The following CDKAL1 variants were observed in gnomAD, a reference collection of about 807,000 sequenced individuals.
CDKAL1 encodes the protein threonylcarbamoyladenosine tRNA methylthiotransferase.
Under a neutral mutation model 68.2 loss-of-function variants are expected in CDKAL1, and 32 were observed. The ratio of observed to expected loss-of-function variants is 0.47; its 90% CI spans 0.35 to 0.63. CDKAL1 has a LOEUF of 0.63. Among genes scored for constraint, CDKAL1 ranks in the 30% least tolerant of loss-of-function variants. CDKAL1 has a pLI of 0.00. For missense variants in CDKAL1, 606 were observed against 696.7 expected, an observed-to-expected ratio of 0.87 and a Z score of 1.47; for synonymous variants, 234 against 244.3, an observed-to-expected ratio of 0.96 and a Z score of 0.39.
chr6:21,202,617 C>T (rs1004069572), intron 15 of CDKAL1, among the ~76,000 whole-genome samples: 2 of 152,182 alleles, frequency 1.3e-5, no homozygotes, highest in African/African-American at 4.8e-5. Context: ...AAGGGTTTCT[C>T]AGCAAGTAGC....
intron 5 of CDKAL1, among the ~76,000 whole-genome samples, chr6:20,719,001 T>A (rs9368224): frequency 0.3 from 45,380 of 152,014 alleles, 8,575 homozygotes; most frequent in African/African-American, 0.52. Flanking sequence ...TTCATGTAAC[T>A]TGTGAGAAAA....
rs182042119 is a variant in CDKAL1 at position 20,594,464 on chromosome 6, G to A, written c.286+45759G>A. 3.6e-3 allele frequency among the ~76,000 whole-genome samples: 550 copies of A among 152,000 alleles called. 6 individuals carry two copies. The highest frequency in any genetic ancestry group is 0.013 in the African/African-American group (529 of 41,436). ...TCTCTGTGTCTTTTGATCTTTGTTG[G>A]TTTAAAGTCTGGTTCATCAGAGACT... On this transcript the variant is annotated intron_variant, in intron 4 of 15. Transcript: ENST00000274695.
chr6:20,859,244 C>T (rs1581712620), intron 9 of CDKAL1, among the ~76,000 whole-genome samples: 2 of 151,496 alleles, frequency 1.3e-5, no homozygotes, highest in South Asian at 4.2e-4. Flanking sequence ...GTTCGCTGCA[C>T]TCCAGCCTGG....
rs1446718147 is a variant in CDKAL1 at position 20,625,081 on chromosome 6, T to TAAA, written c.287-24210_287-24208dup. Among the ~76,000 whole-genome samples the TAAA allele has an allele frequency of 2.6e-5, 4 of 152,232 alleles. No homozygotes were observed. In the South Asian group the frequency reaches 6.2e-4, roughly 24 times the overall value. ...TGTCTTTGCTCTGGTTGCAGTAAGA[T>TAAA]AAAACTCTGAAGAATTCTGGGTTAA... On this transcript the variant is annotated intron_variant, in intron 4 of 15. Coordinates refer to ENST00000274695, the MANE Select transcript of CDKAL1 (RefSeq NM_017774.3).
rs1763301669 is a variant in CDKAL1 at position 20,539,404 on chromosome 6, T to G, written c.-6+4010T>G. On this transcript the variant is annotated intron_variant, in intron 2 of 15. Transcript: ENST00000274695. This position sits in a 1 kb window ranked among gnomAD's most constrained non-coding sequence, Gnocchi z 4.3. ...GTATGTATTCTAGTAAGATAAACAGTTAAAAAATTATTAAAACATTTTAAG... is the reference window on the plus strand; with the variant it reads ...GTATGTATTCTAGTAAGATAAACAGGTAAAAAATTATTAAAACATTTTAAG... Among the ~76,000 whole-genome samples, 1 of 152,140 alleles carries G rather than the reference T, an allele frequency of 6.6e-6. No individual in the cohort carries two copies. Among genetic ancestry groups the G allele is most frequent in the African/African-American group, 2.4e-5 (1 of 41,422 alleles).
At chr6:20,852,931 C>T (rs1345818838) in intron 9 of CDKAL1, among the ~76,000 whole-genome samples, 2 of 152,136 alleles carry the variant, frequency 1.3e-5, no homozygotes, top group Non-Finnish European at 2.9e-5. Flanking sequence ...ACACTGCAAT[C>T]CAGGAGTGGT....
intron 5 of CDKAL1, among the ~76,000 whole-genome samples, chr6:20,721,309 G>A (rs1271136446): frequency 3.3e-5 from 5 of 152,124 alleles, no homozygotes; most frequent in South Asian, 2.1e-4. Context: ...TTTTATGGCT[G>A]CATAGTATTC....
At chr6:20,978,739 G>A (rs1765965437) in intron 10 of CDKAL1, among the ~76,000 whole-genome samples, 1 of 152,122 alleles carries the variant, frequency 6.6e-6, no homozygotes, top group Non-Finnish European at 1.5e-5. Context: ...TTAATTTTCA[G>A]TGAAAAATTA....
At chr6:20,803,943 G>A (rs1360086073) in intron 8 of CDKAL1, among the ~76,000 whole-genome samples, 1 of 152,096 alleles carries the variant, frequency 6.6e-6, no homozygotes, top group African/African-American at 2.4e-5. Flanking sequence ...AAGATGTGTT[G>A]ACAAGGGTGG....
At chr6:20,647,861 A>G (rs1448826293) in intron 4 of CDKAL1, among the ~76,000 whole-genome samples, 1 of 151,954 alleles carries the variant, frequency 6.6e-6, no homozygotes, top group Admixed American at 6.6e-5. Flanking sequence ...CAAGGATCAT[A>G]GTATTCAGCT....
At chr6:21,075,891 G>A (rs1772043910) in intron 12 of CDKAL1, among the ~76,000 whole-genome samples, 1 of 151,930 alleles carries the variant, frequency 6.6e-6, no homozygotes, top group Non-Finnish European at 1.5e-5. Context: ...CTTTATATTA[G>A]GAGTCTTATG....
At chr6:20,549,984 A>AT (rs762528922) in intron 4 of CDKAL1, among the ~76,000 whole-genome samples, 3,506 of 141,138 alleles carry the variant, frequency 0.025, 141 homozygotes, top group African/African-American at 0.082. Context: ...TAATTAATTA[A>AT]ATTTTTTTTT....
intron 14 of CDKAL1, among the ~76,000 whole-genome samples, chr6:21,199,919 C>A (rs941722245): frequency 6.6e-6 from 1 of 152,184 alleles, no homozygotes; most frequent in Non-Finnish European, 1.5e-5. Flanking sequence ...AAACTCAGAC[C>A]AAGATTCAAT....
At chr6:20,933,737 A>G (rs1251946542) in intron 9 of CDKAL1, among the ~76,000 whole-genome samples, 1 of 152,236 alleles carries the variant, frequency 6.6e-6, no homozygotes, top group Non-Finnish European at 1.5e-5. Flanking sequence ...TTAATCTGAA[A>G]TCATCCTAGT....
At chr6:21,187,734 A>G (rs568997623) in intron 13 of CDKAL1, among the ~76,000 whole-genome samples, 64 of 152,182 alleles carry the variant, frequency 4.2e-4, no homozygotes, top group African/African-American at 1.4e-3. Context: ...TCTCTCTCCA[A>G]TGCTTTTGCT....
chr6:20,961,167 T>C (rs139784569), intron 10 of CDKAL1, among the ~76,000 whole-genome samples: 1 of 152,218 alleles, frequency 6.6e-6, no homozygotes, highest in East Asian at 1.9e-4. Flanking sequence ...CTATGCACAA[T>C]CACAAAGACA....
At chr6:20,769,770 C>T (rs1774860712) in intron 7 of CDKAL1, among the ~76,000 whole-genome samples, 1 of 152,148 alleles carries the variant, frequency 6.6e-6, no homozygotes, top group Non-Finnish European at 1.5e-5. Flanking sequence ...CTGTCTAGCT[C>T]TTTGTGGCTT....
intron 4 of CDKAL1, among the ~76,000 whole-genome samples, chr6:20,637,100 C>T (rs1767943597): frequency 6.6e-6 from 1 of 151,448 alleles, no homozygotes; most frequent in South Asian, 2.1e-4. Flanking sequence ...TGCATTCTGC[C>T]AAATGTTTAT....
intron 4 of CDKAL1, among the ~76,000 whole-genome samples, chr6:20,610,213 T>C (rs1304127949): frequency 2.6e-5 from 4 of 152,240 alleles, no homozygotes. Context: ...GTGTCTTTGC[T>C]ATTGTGAATA....
Sources: allele counts gnomAD v4.1 joint callset (sites outside exome capture counted in the v4.1 genomes callset), GRCh38; gene constraint gnomAD v4.1.1; non-coding constraint Gnocchi (gnomAD v3.1); transcripts MANE v1.5; gene names NCBI Gene and HGNC (gene_info 2026-07-23, HGNC 2026-07-21).